Variants in PDE4D observed in about 807,000 individuals in gnomAD.
The protein encoded by PDE4D is phosphodiesterase 4D, also known as 3',5'-cyclic-AMP phosphodiesterase 4D.
PDE4D carries 24 observed loss-of-function variants against 87.4 expected under a neutral mutation model. That is an observed-to-expected ratio of 0.27 (90% confidence interval 0.20 to 0.39). The LOEUF (loss-of-function observed/expected upper bound fraction) is 0.39. Ranked by LOEUF, PDE4D falls within the 10% of genes least tolerant of loss-of-function variation. The probability of loss-of-function intolerance (pLI) is 1.00; values close to 1 mark genes in which losing one functional copy is unlikely to be tolerated. For missense variants in PDE4D, 714 were observed against 1,041.0 expected (o/e 0.69, Z 4.32); for synonymous variants, 384 against 383.2 (o/e 1.00, Z -0.02).
chr5:59,297,765 T>G (rs1769373569), intron 1 of PDE4D, among the ~76,000 whole-genome samples: 1 of 151,866 alleles, frequency 6.6e-6, no homozygotes, highest in Non-Finnish European at 1.5e-5. Context: ...AGAAAAAAAA[T>G]TATCTGGGCT....
chr5:59,317,089 A>G (rs1006836249), intron 1 of PDE4D, among the ~76,000 whole-genome samples: 3 of 152,172 alleles, frequency 2.0e-5, no homozygotes, highest in Non-Finnish European at 4.4e-5. Flanking sequence ...CTAGCAGCTG[A>G]TGACATTCCT....
intron 2 of PDE4D, among the ~76,000 whole-genome samples, chr5:59,203,696 T>C (rs1748081274): frequency 1.3e-5 from 2 of 152,142 alleles, no homozygotes; most frequent in Admixed American, 1.3e-4. Flanking sequence ...TATGACAATA[T>C]GGATGTTCCT....
In PDE4D at chr5:59,781,784, CAAAAAAAAAAAAAAA is replaced by C. The variant is rs58613622; in HGVS notation, c.455+111369_455+111383del. ...TGGGCGACAGAGCGACACTCCATCT[CAAAAAAAAAAAAAAA>C]AAAAAAAAAAAAAAAATCAACTCCT... On this transcript the variant is annotated intron_variant, in intron 1 of 14. Transcript: ENST00000340635. Among the ~76,000 whole-genome samples the C allele has an allele frequency of 4.8e-4, 19 of 39,900 alleles. 1 individual carries two copies. The highest frequency in any genetic ancestry group is 3.1e-3 in the South Asian group (2 of 640). The allele number at this position is 39,900 out of a possible 152,430, so 26.2% of individuals were successfully genotyped here.
At chr5:59,160,965 G>A (rs546451694) in intron 5 of PDE4D, among the ~76,000 whole-genome samples, 15 of 152,162 alleles carry the variant, frequency 9.9e-5, no homozygotes, top group Admixed American at 2.6e-4. Flanking sequence ...GCATGGTGAC[G>A]TGTGCCTGTA....
intron 1 of PDE4D, among the ~76,000 whole-genome samples, chr5:59,291,739 T>TC (rs1554123212): frequency 2.4e-5 from 1 of 42,202 alleles, no homozygotes; most frequent in South Asian, 9.0e-4. Context: ...TAAAAAGAAG[T>TC]TTTTTTTTTT....
At chr5:58,984,859 C>T (rs1746044551) in intron 11 of PDE4D, among the ~76,000 whole-genome samples, 1 of 152,094 alleles carries the variant, frequency 6.6e-6, no homozygotes, top group Admixed American at 6.5e-5. Flanking sequence ...AATATACCCT[C>T]CAGCATTTTA....
chr5:59,350,527 T>C (rs6450516), intron 1 of PDE4D, among the ~76,000 whole-genome samples: 1 of 152,074 alleles, frequency 6.6e-6, no homozygotes, highest in Admixed American at 6.6e-5. Flanking sequence ...AAGCAGAGTA[T>C]CCTCACACTT....
rs925755852 is a variant in PDE4D, at chr5:58,975,167, A to C, written c.2014-87T>G. ...TTAATTAGATCATGGCCCACAAATAAAACACTGAACAGAAGACTACTAAAC... is the reference window on the plus strand; with the variant it reads ...TTAATTAGATCATGGCCCACAAATACAACACTGAACAGAAGACTACTAAAC... On this transcript the variant is annotated intron_variant, in intron 14 of 14. Coordinates refer to ENST00000340635, the MANE Select transcript of PDE4D (RefSeq NM_001104631.2). The surrounding 1 kb of genome is among the most constrained non-coding windows in gnomAD (Gnocchi z 4.2). The C allele has an allele frequency of 7.6e-5, 58 of 761,652 alleles. No individual in the cohort carries two copies. The highest frequency in any genetic ancestry group is 1.1e-4 in the Non-Finnish European group (55 of 509,662). 47.2% of individuals were successfully genotyped at this position (761,652 alleles called of 1,614,324 possible).
At chr5:59,154,394 T>C (rs886762785) in intron 5 of PDE4D, among the ~76,000 whole-genome samples, 1 of 152,222 alleles carries the variant, frequency 6.6e-6, no homozygotes, top group Non-Finnish European at 1.5e-5. Context: ...TGTGGTTTTA[T>C]ACTCTTATTT....
At chr5:59,610,570 A>C (rs1828858646) in intron 1 of PDE4D, among the ~76,000 whole-genome samples, 1 of 152,188 alleles carries the variant, frequency 6.6e-6, no homozygotes, top group African/African-American at 2.4e-5. Flanking sequence ...TAACATTTTA[A>C]AATGTTCATT....
At position 59,976,791 on chromosome 5, in the gene PDE4D, A is replaced by G. The variant is rs906985271; in HGVS notation, c.272+11697T>C. 2.0e-5 allele frequency among the ~76,000 whole-genome samples: 3 copies of G among 152,218 alleles called. No homozygotes were observed. In the East Asian group the frequency reaches 5.8e-4, roughly 29 times the overall value. The stretch of plus-strand genomic sequence containing the variant: ...TAACATGTACTCACTTTGTGTTTCT[A>G]TGTCATATTTTGGTATTCTCAGAAT... On this transcript the variant is annotated intron_variant, in intron 3 of 16. Coordinates refer to the PDE4D transcript ENST00000502484.
intron 1 of PDE4D, among the ~76,000 whole-genome samples, chr5:59,383,099 C>T (rs568464870): frequency 8.5e-5 from 13 of 152,248 alleles, no homozygotes; most frequent in Admixed American, 2.6e-4. Context: ...AGTTGGTTTA[C>T]ATGAAATATT....
chr5:59,481,047 C>A (rs1262859138), intron 1 of PDE4D, among the ~76,000 whole-genome samples: 1 of 152,116 alleles, frequency 6.6e-6, no homozygotes, highest in Non-Finnish European at 1.5e-5. Context: ...GAAGTCCTAA[C>A]AAGGCCAAGG....
intron 1 of PDE4D, among the ~76,000 whole-genome samples, chr5:59,469,382 G>A (rs1354413845): frequency 6.6e-6 from 1 of 152,132 alleles, no homozygotes; most frequent in Non-Finnish European, 1.5e-5. Flanking sequence ...ATAGTCAGAT[G>A]TGGCATACAA....
chr5:59,180,073 T>G (rs1741118334), intron 5 of PDE4D, among the ~76,000 whole-genome samples: 1 of 152,212 alleles, frequency 6.6e-6, no homozygotes, highest in African/African-American at 2.4e-5. Flanking sequence ...GAACTTTTTC[T>G]GCATTGTATA....
At chr5:59,815,757 G>T (rs1768906126) in intron 1 of PDE4D, among the ~76,000 whole-genome samples, 1 of 152,194 alleles carries the variant, frequency 6.6e-6, no homozygotes, top group Admixed American at 6.5e-5. Flanking sequence ...TGCTGGAAAA[G>T]TGGTCTGAGG....
At chr5:60,388,159 G>A (rs1439544274) in intron 1 of PDE4D, among the ~76,000 whole-genome samples, 3 of 152,104 alleles carry the variant, frequency 2.0e-5, no homozygotes, top group African/African-American at 7.2e-5. Context: ...CAGCTATCTG[G>A]AAGCTCCCCA....
At chr5:59,313,238 G>A (rs537572840) in intron 1 of PDE4D, among the ~76,000 whole-genome samples, 1 of 152,098 alleles carries the variant, frequency 6.6e-6, no homozygotes, top group East Asian at 1.9e-4. Flanking sequence ...CCCAAATTCT[G>A]TTGGGTAACA....
intron 5 of PDE4D, among the ~76,000 whole-genome samples, chr5:59,139,041 T>C (rs1342158118): frequency 2.6e-5 from 4 of 152,082 alleles, no homozygotes; most frequent in African/African-American, 4.8e-5. Context: ...GACTGAACAA[T>C]ATACGCAAAA....
Sources: allele counts gnomAD v4.1 joint callset (sites outside exome capture counted in the v4.1 genomes callset), GRCh38; gene constraint gnomAD v4.1.1; non-coding constraint Gnocchi (gnomAD v3.1); transcripts MANE v1.5; gene names NCBI Gene and HGNC (gene_info 2026-07-23, HGNC 2026-07-21).